WTAP: variants seen among roughly 807,000 people sequenced by gnomAD.
WTAP encodes the protein pre-mRNA-splicing regulator WTAP.
WTAP carries 8 observed loss-of-function variants against 50.0 expected under a neutral mutation model. The ratio of observed to expected loss-of-function variants is 0.16; its 90% CI spans 0.09 to 0.29. WTAP has a LOEUF of 0.29. Among genes scored for constraint, WTAP ranks in the 10% least tolerant of loss-of-function variants. The probability of loss-of-function intolerance (pLI) is 1.00; values close to 1 mark genes in which losing one functional copy is unlikely to be tolerated. For missense variants in WTAP, 295 were observed against 470.7 expected, an observed-to-expected ratio of 0.63 and a Z score of 3.45; for synonymous variants, 194 against 169.0, an observed-to-expected ratio of 1.15 and a Z score of -1.15.
intron 6 of WTAP, among the ~76,000 whole-genome samples, chr6:159,750,767 A>G (rs1184691644): frequency 2.6e-5 from 4 of 152,260 alleles, no homozygotes; most frequent in Non-Finnish European, 5.9e-5. Flanking sequence ...TTTTTTCTAT[A>G]AAATTGGCTG....
intron 2 of WTAP, among the ~76,000 whole-genome samples, chr6:159,737,944 A>G (rs554150166): frequency 2.4e-4 from 37 of 151,448 alleles, no homozygotes; most frequent in African/African-American, 8.4e-4. Flanking sequence ...AGGAAGTTGC[A>G]AATAAATGTA....
upstream of WTAP, chr6:159,727,401 G>GAGGCGGGAGGCAGT: frequency 1.7e-6 from 2 of 1,208,308 alleles, no homozygotes; most frequent in Non-Finnish European, 2.1e-6. Context: ...CGGGAGGCGG[G>GAGGCGGGAGGCAGT]AGGCAGTGGC....
At chr6:159,743,042 TTTTA>T (rs903710544) in intron 4 of WTAP, among the ~76,000 whole-genome samples, 3 of 152,196 alleles carry the variant, frequency 2.0e-5, no homozygotes, top group Admixed American at 2.0e-4. Context: ...GTTATTACTA[TTTTA>T]TTTATTTATT....
At chr6:159,752,642 A>G (rs2114956613) in intron 6 of WTAP, among the ~76,000 whole-genome samples, 1 of 152,054 alleles carries the variant, frequency 6.6e-6, no homozygotes, top group South Asian at 2.1e-4. Flanking sequence ...ATCTTTTCCA[A>G]TAAAGTCTTA....
intron 5 of WTAP, 25 bp downstream of exon 5, chr6:159,743,817 G>A (rs1384143383): frequency 1.3e-6 from 2 of 1,574,464 alleles, no homozygotes; most frequent in Middle Eastern, 1.7e-4. Context: ...TTATATAAAT[G>A]TCTTTAGTTG....
chr6:159,755,168 A>G lies in WTAP; in HGVS notation c.748A>G (p.Ser250Gly), dbSNP rs752368470. 2 of 1,614,178 alleles carry G rather than the reference A, an allele frequency of 1.2e-6. No individual in the cohort carries two copies. Among genetic ancestry groups the G allele is most frequent in the East Asian group, 4.5e-5 (2 of 44,892 alleles). Residue 250 changes from serine (S) to glycine (G), a missense_variant, in exon 8 of 8, where the codon AGT (serine) becomes GGT (glycine). Ser to Gly is a moderately conservative substitution (Grantham distance 56). Transcript: ENST00000621533. Reference protein sequence around the residue: ...QQQQSQASAPSTSRTTASEPV... With the variant: ...QQQQSQASAPGTSRTTASEPV... ...GCAGCAGTCTCAGGCCTCTGCCCCA[A>G]GTACCAGCAGGACTACAGCTTCTGA...
chr6:159,733,577 G>A (rs1221839558), intron 1 of WTAP, among the ~76,000 whole-genome samples: 3 of 150,706 alleles, frequency 2.0e-5, no homozygotes, highest in Non-Finnish European at 4.4e-5. Context: ...AGCCATCATC[G>A]CACCACTGCA....
chr6:159,740,850 C>T (rs1196738393), intron 3 of WTAP, among the ~76,000 whole-genome samples: 3 of 151,874 alleles, frequency 2.0e-5, no homozygotes, highest in Admixed American at 6.6e-5. Flanking sequence ...TACGGGCATG[C>T]GCCACCATGC....
chr6:159,753,559 A>T lies in WTAP; in HGVS notation c.552A>T (p.Glu184Asp), dbSNP rs758477841. The T allele has an allele frequency of 6.2e-7, 1 of 1,614,226 alleles. No homozygotes were observed. The highest frequency in any genetic ancestry group is 8.5e-7 in the Non-Finnish European group (1 of 1,180,038). The change falls in exon 7 of 8, where the codon GAA becomes GAT. Residue 184 changes from glutamate (E) to aspartate (D), a missense_variant. Glu to Asp is a conservative substitution (Grantham distance 45, BLOSUM62 2). Transcript: ENST00000621533. ...CCCAGGGACGTATTGCACAACTTGA[A>T]GCAGAGTTGGCTTTACAGAAGAAAT... ...QLSQGRIAQL[E>D]AELALQKKYS...
chr6:159,733,203 A>G (rs980125235), intron 1 of WTAP, among the ~76,000 whole-genome samples: 32 of 152,346 alleles, frequency 2.1e-4, no homozygotes, highest in African/African-American at 6.7e-4. Context: ...TTTATATCAT[A>G]GTAATATGGT....
intron 4 of WTAP, among the ~76,000 whole-genome samples, chr6:159,742,805 C>T (rs1779340128): frequency 6.6e-6 from 1 of 151,910 alleles, no homozygotes; most frequent in South Asian, 2.1e-4. Context: ...CCTATAATCC[C>T]AGCACTTTGG....
At chr6:159,732,350 C>T (rs1057327202) in intron 1 of WTAP, among the ~76,000 whole-genome samples, 5 of 152,110 alleles carry the variant, frequency 3.3e-5, no homozygotes, top group Non-Finnish European at 7.3e-5. Flanking sequence ...AGGTATACCA[C>T]CTAGCCATAG....
chr6:159,755,580 C>G lies in WTAP; in HGVS notation c.1160C>G (p.Ser387Ter), dbSNP rs1460781026. ...GSRHVQNGLDSSVNVQGSVL is the reference protein window; with the variant it reads ...GSRHVQNGLD ...CGCCACGTTCAGAATGGCTTGGACTCAAGTGTAAATGTACAGGGTTCAGTT... is the reference window on the plus strand; with the variant it reads ...CGCCACGTTCAGAATGGCTTGGACTGAAGTGTAAATGTACAGGGTTCAGTT... The change falls in exon 8 of 8, where the codon TCA becomes TGA. Residue 387 changes from serine to a stop codon, truncating the protein, a stop_gained. Coordinates refer to ENST00000621533, the MANE Select transcript of WTAP (RefSeq NM_001270531.2). LOFTEE classifies it high-confidence loss of function. The G allele has an allele frequency of 1.2e-6, 2 of 1,613,204 alleles. No homozygotes were observed. Among genetic ancestry groups the G allele is most frequent in the Admixed American group, 3.3e-5 (2 of 59,920 alleles).
upstream of WTAP, chr6:159,726,859 C>G (rs1583052792): frequency 7.8e-7 from 1 of 1,289,230 alleles, no homozygotes; most frequent in East Asian, 5.5e-5. Context: ...TACAGGTGAG[C>G]TTCTGCTAAG....
chr6:159,736,222 TAAATTG>T (rs1473904423), intron 1 of WTAP, 30 bp from the exon 2 acceptor site: 4 of 1,574,936 alleles, frequency 2.5e-6, no homozygotes, highest in African/African-American at 2.7e-5. Flanking sequence ...TGGAAGAAAA[TAAATTG>T]AACTTGTTTT....
At chr6:159,750,484 A>G (rs1179912985) in intron 6 of WTAP, among the ~76,000 whole-genome samples, 2 of 152,228 alleles carry the variant, frequency 1.3e-5, no homozygotes, top group African/African-American at 4.8e-5. Flanking sequence ...TGACATCCTC[A>G]TTCTCTTCTC....
rs1256917931 is a variant in WTAP at position 159,753,863 on chromosome 6, A to C, written c.607+249A>C. On this transcript the variant is annotated intron_variant, in intron 7 of 7. Transcript: ENST00000621533. The stretch of plus-strand genomic sequence containing the variant: ...TACATTTTTGTTTTTAGTTGGGGGT[A>C]GGATTTGGTAAAAGATAAAAGGGTG... 2.0e-5 allele frequency among the ~76,000 whole-genome samples: 3 copies of C among 152,204 alleles called. No individual in the cohort carries two copies. In the East Asian group the frequency reaches 5.8e-4, roughly 29 times the overall value.
At chr6:159,726,916 C>T (rs1161469671), upstream of WTAP, 1 of 1,288,890 alleles carries the variant, frequency 7.8e-7, no homozygotes, top group Admixed American at 2.3e-5. Flanking sequence ...CTTGAGGTGG[C>T]ACCTGGTCCT....
chr6:159,727,049 T>A, upstream of WTAP: 1 of 1,220,318 alleles, frequency 8.2e-7, no homozygotes, highest in South Asian at 1.4e-5. Context: ...GGCGAGTACT[T>A]CCACCTTCCC....
Sources: gnomAD v4.1 joint callset for allele counts (sites outside exome capture counted in the v4.1 genomes callset) on GRCh38, gnomAD v4.1.1 for gene constraint, MANE v1.5 for transcripts, NCBI Gene and HGNC (gene_info 2026-07-23, HGNC 2026-07-21) for gene names.